The following SPATS2L variants were observed in gnomAD, a reference collection of about 807,000 sequenced individuals.
SPATS2L encodes the protein SPATS2-like protein.
Under a neutral mutation model 59.6 loss-of-function variants are expected in SPATS2L, and 30 were observed. The ratio of observed to expected loss-of-function variants is 0.50; its 90% CI spans 0.38 to 0.68. The LOEUF is 0.68. Ranked by LOEUF, SPATS2L falls within the 30% of genes least tolerant of loss-of-function variation. The pLI is 0.00. For synonymous variants in SPATS2L, 252 were observed against 263.5 expected, an observed-to-expected ratio of 0.96 and a Z score of 0.42; for missense variants, 615 against 700.0, an observed-to-expected ratio of 0.88 and a Z score of 1.37.
intron 2 of SPATS2L, among the ~76,000 whole-genome samples, chr2:200,340,220 C>T (rs1265922932): frequency 6.6e-6 from 1 of 152,166 alleles, no homozygotes; most frequent in Non-Finnish European, 1.5e-5. Flanking sequence ...GCTGTGCTCG[C>T]AGAGTTTATC....
intron 1 of SPATS2L, among the ~76,000 whole-genome samples, chr2:200,320,727 A>G (rs898044536): frequency 2.0e-5 from 3 of 152,192 alleles, no homozygotes; most frequent in African/African-American, 7.2e-5. Context: ...TTTTCTTCCC[A>G]CACAAATTAT....
intron 2 of SPATS2L, among the ~76,000 whole-genome samples, chr2:200,357,989 T>C (rs2080972210): frequency 6.6e-6 from 1 of 152,134 alleles, no homozygotes; most frequent in Non-Finnish European, 1.5e-5. Flanking sequence ...TGGCCTGATG[T>C]TAAGCAGCTA....
chr2:200,443,357 A>C (rs2106117423), intron 8 of SPATS2L, among the ~76,000 whole-genome samples: 1 of 152,312 alleles, frequency 6.6e-6, no homozygotes, highest in Non-Finnish European at 1.5e-5. Context: ...CCTGCATTCT[A>C]AGCATTAGAG....
At chr2:200,418,297 G>A (rs2083150686) in intron 5 of SPATS2L, among the ~76,000 whole-genome samples, 1 of 152,180 alleles carries the variant, frequency 6.6e-6, no homozygotes, top group Admixed American at 6.5e-5. Flanking sequence ...GGATGGCAGG[G>A]CGCAGTGGCT....
intron 2 of SPATS2L, among the ~76,000 whole-genome samples, chr2:200,381,198 C>T (rs1295169667): frequency 1.3e-5 from 2 of 152,144 alleles, no homozygotes; most frequent in East Asian, 3.8e-4. Context: ...CATGCAAGTG[C>T]CCCTGATTGT....
At chr2:200,383,869 C>G in intron 2 of SPATS2L, 1 of 1,000,012 alleles carries the variant, frequency 1.0e-6, no homozygotes, top group Non-Finnish European at 1.2e-6. Flanking sequence ...AAATCCAGTT[C>G]AAGCAAAGTG....
At chr2:200,314,980 A>T (rs2079319747) in intron 1 of SPATS2L, among the ~76,000 whole-genome samples, 1 of 152,256 alleles carries the variant, frequency 6.6e-6, no homozygotes, top group Non-Finnish European at 1.5e-5. Context: ...AAATGTGATT[A>T]CTTAGTGGAC....
rs1367861729 is a variant in SPATS2L, at chr2:200,403,784, T to C, written c.40-8527T>C. 3.3e-5 allele frequency among the ~76,000 whole-genome samples: 5 copies of C among 152,112 alleles called. No individual in the cohort carries two copies. In the East Asian group the frequency reaches 9.6e-4, roughly 29 times the overall value. ...ATGCCGATCGGCACCGTAACAGATC[T>C]GTGCAGTCCAGCACCATGGACCCAC... is the stretch of plus-strand genomic sequence containing the variant. On this transcript the variant is annotated intron_variant, in intron 3 of 12. Coordinates refer to ENST00000409140, the MANE Select transcript of SPATS2L (RefSeq NM_001100423.2).
At chr2:200,343,336 T>C (rs1031474857) in intron 2 of SPATS2L, among the ~76,000 whole-genome samples, 4 of 152,154 alleles carry the variant, frequency 2.6e-5, no homozygotes, top group Non-Finnish European at 5.9e-5. Flanking sequence ...GTATATAATA[T>C]AAAATCACCT....
At chr2:200,433,467 A>G (rs1184344584) in intron 6 of SPATS2L, among the ~76,000 whole-genome samples, 1 of 152,166 alleles carries the variant, frequency 6.6e-6, no homozygotes, top group Admixed American at 6.5e-5. Context: ...GTCTGAACAC[A>G]GTAGAATTGA....
chr2:200,431,821 G>A (rs1375615729), intron 6 of SPATS2L, among the ~76,000 whole-genome samples: 1 of 152,150 alleles, frequency 6.6e-6, no homozygotes, highest in African/African-American at 2.4e-5. Flanking sequence ...CCCAAGAGGA[G>A]GGTTTGTTTT....
At chr2:200,306,080 A>T (rs898889175), upstream of SPATS2L, 1 of 985,468 alleles carries the variant, frequency 1.0e-6, no homozygotes, top group Admixed American at 6.2e-5. Context: ...AGCGCAGAGG[A>T]GGCGGCGGAA....
intron 2 of SPATS2L, chr2:200,373,243 C>G (rs1054750926): frequency 7.1e-6 from 1 of 140,662 alleles, no homozygotes; most frequent in Admixed American, 7.6e-5. Context: ...GCATATAATC[C>G]CCCTGTGCTA....
chr2:200,424,526 A>T (rs2083449232), intron 6 of SPATS2L, among the ~76,000 whole-genome samples: 1 of 152,188 alleles, frequency 6.6e-6, no homozygotes, highest in South Asian at 2.1e-4. Context: ...TTTTACTAAA[A>T]GTAGTGCCAA....
intron 2 of SPATS2L, among the ~76,000 whole-genome samples, chr2:200,371,243 T>C (rs1424431342): frequency 1.3e-5 from 2 of 152,086 alleles, no homozygotes; most frequent in African/African-American, 4.8e-5. Flanking sequence ...CACAAATTAA[T>C]TTAGGAATGT....
chr2:200,402,170 T>A (rs2105960094), intron 3 of SPATS2L, among the ~76,000 whole-genome samples: 1 of 152,346 alleles, frequency 6.6e-6, no homozygotes, highest in East Asian at 1.9e-4. Context: ...CTAACAGGAA[T>A]CCATTTGATC....
At chr2:200,444,050 A>G (rs1411199598) in intron 8 of SPATS2L, among the ~76,000 whole-genome samples, 6 of 152,244 alleles carry the variant, frequency 3.9e-5, no homozygotes, top group African/African-American at 7.2e-5. Flanking sequence ...AGATGATACA[A>G]TGCTCTCACA....
chr2:200,322,743 A>G (rs1362467970), intron 1 of SPATS2L, among the ~76,000 whole-genome samples: 1 of 152,188 alleles, frequency 6.6e-6, no homozygotes, highest in African/African-American at 2.4e-5. Flanking sequence ...ACAAAGGAGC[A>G]ATTGAAGTTG....
Position 200,439,182 on chromosome 2 carries a change from G to T in SPATS2L, c.506G>T (p.Gly169Val). 1.9e-6 allele frequency: 3 copies of T among 1,613,702 alleles called. No individual in the cohort carries two copies. Among genetic ancestry groups the T allele is most frequent in the Non-Finnish European group, 2.5e-6 (3 of 1,179,746 alleles). Residue 169 changes from glycine to valine, a missense_variant, in exon 7 of 13, where the codon GGA becomes GTA. By Grantham distance (109) the Gly-to-Val change is moderately radical (BLOSUM62 -3). Around this residue, in one of 3 missense-constraint regions of SPATS2L, gnomAD observed 227 missense variants for 257.4 expected, o/e 0.88. Coordinates refer to ENST00000409140, the MANE Select transcript of SPATS2L (RefSeq NM_001100423.2). Reference protein sequence around the residue: ...SLDGNPKPIHGTTERSDGLQW... With the variant: ...SLDGNPKPIHVTTERSDGLQW... The stretch of plus-strand genomic sequence containing the variant: ...GATGGGAACCCCAAACCTATACATG[G>T]AACAACAGAGAGGTCAGATGGCCTA...
Sources: gnomAD v4.1 joint callset for allele counts (sites outside exome capture counted in the v4.1 genomes callset) on GRCh38, gnomAD v4.1.1 for gene constraint, gnomAD v4.1.1 regional missense constraint, MANE v1.5 for transcripts, NCBI Gene and HGNC (gene_info 2026-07-23, HGNC 2026-07-21) for gene names.